Variants in PCBP3 observed in about 807,000 individuals in gnomAD.
PCBP3 encodes poly(rC)-binding protein 3.
PCBP3 carries 25 observed loss-of-function variants against 52.7 expected under a neutral mutation model. That is an observed-to-expected ratio of 0.47 (90% confidence interval 0.35 to 0.66). The LOEUF is 0.66. PCBP3 is among the 30% of genes least tolerant of loss of function. PCBP3 has a pLI of 0.01. For missense variants in PCBP3, 391 were observed against 490.3 expected (o/e 0.80, Z 1.91); for synonymous variants, 162 against 183.0 (o/e 0.89, Z 0.93).
chr21:45,765,932 A>C (rs991579892), intron 4 of PCBP3, among the ~76,000 whole-genome samples: 3 of 152,252 alleles, frequency 2.0e-5, no homozygotes, highest in African/African-American at 7.2e-5. Context: ...GGACGCCTTC[A>C]GAAGTCTCCT....
Position 45,737,731 on chromosome 21 carries a change from C to G in PCBP3, c.-162+2302C>G, listed in dbSNP as rs775008500. On this transcript the variant is annotated intron_variant, in intron 3 of 17. Transcript: ENST00000681687. This position sits in a 1 kb window ranked among gnomAD's most constrained non-coding sequence, Gnocchi z 4.9. ...ACAGACAGGGAACTTTTATAGGTAC[C>G]TGTGGCCTCTTCTGCTGGTGGGAAT... 1.3e-5 allele frequency among the ~76,000 whole-genome samples: 2 copies of G among 152,186 alleles called. No homozygotes were observed. Among genetic ancestry groups the G allele is most frequent in the African/African-American group, 2.4e-5 (1 of 41,430 alleles).
rs1297048539 is a variant in PCBP3, at chr21:45,880,395, GACCCCCAGCAA to G, written c.11-15808_11-15798del. 6.6e-6 allele frequency among the ~76,000 whole-genome samples: 1 copy of G among 152,234 alleles called. No individual in the cohort carries two copies. Among genetic ancestry groups the G allele is most frequent in the Non-Finnish European group, 1.5e-5 (1 of 68,042 alleles). ...GTGGGCCACAGGGACCCCCACAGCA[GACCCCCAGCAA>G]ACCCTCAGTGACTGTCTGAATGAAA... On this transcript the variant is annotated intron_variant, in intron 5 of 17. Coordinates refer to ENST00000681687, the MANE Select transcript of PCBP3 (RefSeq NM_001384156.1). The surrounding 1 kb of genome is among the most constrained non-coding windows in gnomAD (Gnocchi z 5.4).
At chr21:45,938,379 G>A (rs2077102553) in intron 16 of PCBP3, among the ~76,000 whole-genome samples, 1 of 152,220 alleles carries the variant, frequency 6.6e-6, no homozygotes, top group African/African-American at 2.4e-5. Flanking sequence ...ATCTTACAGG[G>A]ACCTGTGGTC....
rs763598243 is a variant in PCBP3 at position 45,827,337 on chromosome 21, G to T, written c.-125-22624G>T. Among the ~76,000 whole-genome samples, 1 of 152,170 alleles carries T rather than the reference G, an allele frequency of 6.6e-6. No homozygotes were observed. Among genetic ancestry groups the T allele is most frequent in the East Asian group, 1.9e-4 (1 of 5,184 alleles). Reference sequence around the variant, plus strand: ...ATGAGATAAAAGAAGATCTGGACATGATCATCACGTCACATCACATGGCCA... The same window carrying T: ...ATGAGATAAAAGAAGATCTGGACATTATCATCACGTCACATCACATGGCCA... On this transcript the variant is annotated intron_variant, in intron 4 of 17. Coordinates refer to ENST00000681687, the MANE Select transcript of PCBP3 (RefSeq NM_001384156.1). The surrounding 1 kb of genome is among the most constrained non-coding windows in gnomAD (Gnocchi z 4.3).
rs773718066 is a variant in PCBP3 at position 45,900,971 on chromosome 21, C to T, written c.223-26C>T. The T allele has an allele frequency of 4.4e-5, 68 of 1,559,456 alleles. No individual in the cohort carries two copies. In the Middle Eastern group the frequency reaches 1.8e-3, roughly 42 times the overall value. ...TGGCCCAAGGGTTTTAATCAGGTCG[C>T]TGGGGTTTCTCTGCTCTCACCTTAG... On this transcript the variant is annotated intron_variant, in intron 8 of 17. Transcript: ENST00000681687.
intron 10 of PCBP3, among the ~76,000 whole-genome samples, chr21:45,910,291 G>A (rs575216908): frequency 9.2e-4 from 137 of 148,468 alleles, no homozygotes; most frequent in African/African-American, 3.1e-3. Flanking sequence ...ACTCCTATGG[G>A]CCGTGCTGGG....
chr21:45,876,294 T>G (rs1431850487), intron 5 of PCBP3, among the ~76,000 whole-genome samples: 1 of 151,940 alleles, frequency 6.6e-6, no homozygotes. Context: ...TTTGAAAGAA[T>G]TGGAACATTT....
intron 4 of PCBP3, among the ~76,000 whole-genome samples, chr21:45,784,466 ACC>A (rs2090939335): frequency 2.2e-5 from 3 of 137,060 alleles, no homozygotes; most frequent in Non-Finnish European, 4.9e-5. Context: ...CCTACCTCCT[ACC>A]TCCTACCTCT....
intron 2 of PCBP3, among the ~76,000 whole-genome samples, chr21:45,722,063 T>C (rs1333349221): frequency 6.6e-6 from 1 of 152,240 alleles, no homozygotes; most frequent in Non-Finnish European, 1.5e-5. Context: ...GTATGTTCAC[T>C]ACAGCAGTAA....
chr21:45,794,027 G>A (rs946995366), intron 4 of PCBP3, among the ~76,000 whole-genome samples: 3 of 152,162 alleles, frequency 2.0e-5, no homozygotes, highest in Non-Finnish European at 2.9e-5. Flanking sequence ...CACTGTTGGT[G>A]TATATTGGTA....
intron 2 of PCBP3, among the ~76,000 whole-genome samples, chr21:45,691,680 G>C (rs1331924340): frequency 6.6e-6 from 1 of 151,880 alleles, no homozygotes; most frequent in South Asian, 2.1e-4. Flanking sequence ...GCAATGAAGA[G>C]TATATGAGCT....
intron 4 of PCBP3, among the ~76,000 whole-genome samples, chr21:45,768,073 T>C (rs772632914): frequency 2.0e-5 from 3 of 152,276 alleles, no homozygotes; most frequent in Non-Finnish European, 4.4e-5. Flanking sequence ...CACCAGCTTC[T>C]GTCTTGCAGG....
At chr21:45,859,322 G>GGCC (rs1169443642) in intron 5 of PCBP3, among the ~76,000 whole-genome samples, 3 of 13,000 alleles carry the variant, frequency 2.3e-4, no homozygotes, top group Non-Finnish European at 4.2e-4. Context: ...CAGCAGAGGT[G>GGCC]GCCAGCGAGT....
At chr21:45,648,820 A>G (rs1302106793) in intron 1 of PCBP3, among the ~76,000 whole-genome samples, 3 of 152,090 alleles carry the variant, frequency 2.0e-5, no homozygotes, top group Non-Finnish European at 2.9e-5. Flanking sequence ...TTGTTTGTCC[A>G]CTTATTGTCT....
At chr21:45,766,273 G>A (rs1037323739) in intron 4 of PCBP3, among the ~76,000 whole-genome samples, 11 of 152,344 alleles carry the variant, frequency 7.2e-5, no homozygotes, top group African/African-American at 2.6e-4. Flanking sequence ...GCGATGGACC[G>A]GATTGTGCCC....
chr21:45,760,462 T>C (rs1369431223), intron 4 of PCBP3: 1 of 152,244 alleles, frequency 6.6e-6, no homozygotes, highest in African/African-American at 2.4e-5. Flanking sequence ...TGAACAGGCT[T>C]GAGGCAGATG....
intron 2 of PCBP3, among the ~76,000 whole-genome samples, chr21:45,683,083 A>G (rs902097547): frequency 6.6e-6 from 1 of 150,908 alleles, no homozygotes; most frequent in Non-Finnish European, 1.5e-5. Flanking sequence ...AGAAAAGAGG[A>G]TAGAGGTATA....
intron 4 of PCBP3, among the ~76,000 whole-genome samples, chr21:45,766,984 A>C (rs931756385): frequency 1.3e-5 from 2 of 152,178 alleles, no homozygotes; most frequent in African/African-American, 4.8e-5. Flanking sequence ...ACACTCACTC[A>C]CTAACACAGT....
chr21:45,665,376 C>T (rs1165573356), intron 1 of PCBP3, among the ~76,000 whole-genome samples: 1 of 151,978 alleles, frequency 6.6e-6, no homozygotes, highest in Non-Finnish European at 1.5e-5. Context: ...CCATTGCACC[C>T]CGGCCTATGT....
Sources: gnomAD v4.1 joint callset for allele counts (sites outside exome capture counted in the v4.1 genomes callset) on GRCh38, gnomAD v4.1.1 for gene constraint, Gnocchi (gnomAD v3.1) non-coding constraint, MANE v1.5 for transcripts, NCBI Gene and HGNC (gene_info 2026-07-23, HGNC 2026-07-21) for gene names.